Variants in METTL15 observed in about 807,000 individuals in gnomAD.
METTL15 encodes methyltransferase 15, mitochondrial 12S rRNA N4-cytidine, also known as 12S rRNA N(4)-cytidine methyltransferase METTL15.
In METTL15, 34 loss-of-function variants were observed where a neutral mutation model predicts 38.3. That is an observed-to-expected ratio of 0.89 (90% CI 0.68 to 1.18). METTL15 has a LOEUF of 1.18. Among genes scored for constraint, METTL15 ranks in the 50% most tolerant of loss-of-function variants. METTL15 has a pLI of 0.00. For missense variants in METTL15, 438 were observed against 498.4 expected (o/e 0.88, Z 1.15); for synonymous variants, 162 against 170.9 (o/e 0.95, Z 0.41).
chr11:28,212,448 C>T (rs1307007936), intron 4 of METTL15, among the ~76,000 whole-genome samples: 1 of 152,100 alleles, frequency 6.6e-6, no homozygotes, highest in Non-Finnish European at 1.5e-5. Flanking sequence ...TATGAGTTCA[C>T]TTGGTTATGA....
chr11:28,116,763 ATT>A (rs917823967), intron 3 of METTL15, among the ~76,000 whole-genome samples: 2 of 151,820 alleles, frequency 1.3e-5, no homozygotes, highest in Non-Finnish European at 2.9e-5. Flanking sequence ...TCTTTAAAAA[ATT>A]TTTTTTTAAA....
downstream of METTL15, among the ~76,000 whole-genome samples, chr11:28,336,565 G>T (rs754691693): frequency 2.6e-5 from 4 of 152,122 alleles, no homozygotes; most frequent in Non-Finnish European, 4.4e-5. Flanking sequence ...AAGATAGGTG[G>T]ACTACACTCA....
intron 5 of METTL15, among the ~76,000 whole-genome samples, chr11:28,419,572 T>G (rs1419402952): frequency 6.6e-6 from 1 of 152,126 alleles, no homozygotes; most frequent in African/African-American, 2.4e-5. Context: ...CTGTGAAGAC[T>G]ACCATAAATA....
At chr11:28,260,472 A>G (rs757554216) in intron 4 of METTL15, among the ~76,000 whole-genome samples, 4 of 151,964 alleles carry the variant, frequency 2.6e-5, no homozygotes, top group Non-Finnish European at 5.9e-5. Context: ...CTTTCCTCCC[A>G]CTAGAATTGC....
At chr11:28,289,540 A>G (rs1856426109) in intron 4 of METTL15, among the ~76,000 whole-genome samples, 2 of 152,142 alleles carry the variant, frequency 1.3e-5, no homozygotes, top group African/African-American at 4.8e-5. Flanking sequence ...TAAAGGCAGC[A>G]TCTCACTTTG....
chr11:28,176,204 A>G (rs949837198), intron 3 of METTL15, among the ~76,000 whole-genome samples: 1 of 152,118 alleles, frequency 6.6e-6, no homozygotes, highest in Non-Finnish European at 1.5e-5. Flanking sequence ...CTTGAGGAAG[A>G]CAAAAAAATT....
At position 28,320,190 on chromosome 11, in the gene METTL15, T is replaced by G. The variant is rs1005724281; in HGVS notation, c.779-10206T>G. 2.0e-5 allele frequency among the ~76,000 whole-genome samples: 3 copies of G among 150,552 alleles called. No individual in the cohort carries two copies. In the East Asian group the frequency reaches 5.9e-4, roughly 29 times the overall value. The stretch of plus-strand genomic sequence containing the variant: ...ATAGACTAAATAAATAGTTTTTTTT[T>G]TTTTTTTTTTTGAGCTGTGAAAACA... On this transcript the variant is annotated intron_variant, in intron 6 of 6. Transcript: ENST00000407364.
At chr11:28,403,103 T>A (rs1850643961) in intron 5 of METTL15, among the ~76,000 whole-genome samples, 1 of 152,030 alleles carries the variant, frequency 6.6e-6, no homozygotes, top group African/African-American at 2.4e-5. Flanking sequence ...AGATCTCTAC[T>A]TTCAGTCATT....
intron 3 of METTL15, among the ~76,000 whole-genome samples, chr11:28,351,811 G>A (rs906914081): frequency 6.6e-5 from 10 of 152,182 alleles, no homozygotes; most frequent in Non-Finnish European, 1.5e-4. Flanking sequence ...CTTAAAGAAA[G>A]AAAGCTCACA....
intron 5 of METTL15, among the ~76,000 whole-genome samples, chr11:28,409,210 G>A (rs1420500227): frequency 6.6e-6 from 1 of 151,476 alleles, no homozygotes; most frequent in Non-Finnish European, 1.5e-5. Flanking sequence ...GTGAAACCCC[G>A]TCTCTACTAA....
chr11:28,392,983 G>T (rs924318039), intron 5 of METTL15, among the ~76,000 whole-genome samples: 6 of 151,708 alleles, frequency 4.0e-5, no homozygotes, highest in African/African-American at 1.5e-4. Flanking sequence ...GAATGACAAC[G>T]GGGAAAAAAA....
chr11:28,428,478 A>C (rs1427680350), intron 6 of METTL15, among the ~76,000 whole-genome samples: 1 of 152,242 alleles, frequency 6.6e-6, no homozygotes, highest in Non-Finnish European at 1.5e-5. Flanking sequence ...TCTAGCACAT[A>C]TAATACACTT....
chr11:28,337,903 C>T (rs1849916112), downstream of METTL15, among the ~76,000 whole-genome samples: 1 of 152,072 alleles, frequency 6.6e-6, no homozygotes, highest in East Asian at 1.9e-4. Flanking sequence ...GTCTCAATGC[C>T]TGTACTTACA....
At chr11:28,351,644 GTATGA>G (rs1319999683) in intron 3 of METTL15, among the ~76,000 whole-genome samples, 1 of 152,184 alleles carries the variant, frequency 6.6e-6, no homozygotes, top group African/African-American at 2.4e-5. Context: ...CTATGCCCTA[GTATGA>G]TATATGTGTC....
chr11:28,221,390 G>A (rs977881149), intron 4 of METTL15, among the ~76,000 whole-genome samples: 91 of 152,180 alleles, frequency 6.0e-4, no homozygotes, highest in African/African-American at 2.0e-3. Context: ...CGCAGTTCTC[G>A]TGCCATGGTT....
intron 6 of METTL15, among the ~76,000 whole-genome samples, chr11:28,425,880 A>T: frequency 6.6e-6 from 1 of 152,196 alleles, no homozygotes; most frequent in East Asian, 1.9e-4. Flanking sequence ...TTTTGTTGAC[A>T]AACTATTTGA....
intron 4 of METTL15, among the ~76,000 whole-genome samples, chr11:28,218,714 T>C (rs1236348718): frequency 6.6e-6 from 1 of 152,172 alleles, no homozygotes; most frequent in Non-Finnish European, 1.5e-5. Flanking sequence ...ATAGCTCTTA[T>C]TATTTTGAGA....
At chr11:28,147,794 T>A (rs1245040854) in intron 3 of METTL15, among the ~76,000 whole-genome samples, 4 of 151,910 alleles carry the variant, frequency 2.6e-5, no homozygotes, top group African/African-American at 9.7e-5. Context: ...ACAACATTTT[T>A]ACCTTTGTTT....
chr11:28,300,773 A>G (rs191980350), intron 6 of METTL15, among the ~76,000 whole-genome samples: 3 of 152,292 alleles, frequency 2.0e-5, no homozygotes, highest in African/African-American at 7.2e-5. Context: ...GTTCCCTCCA[A>G]AAATGATTCA....
Sources: gnomAD v4.1 joint callset for allele counts (sites outside exome capture counted in the v4.1 genomes callset) on GRCh38, gnomAD v4.1.1 for gene constraint, MANE v1.5 for transcripts, NCBI Gene and HGNC (gene_info 2026-07-23, HGNC 2026-07-21) for gene names.